CFAP57: variants seen among roughly 807,000 people sequenced by gnomAD.
The protein encoded by CFAP57 is cilia- and flagella-associated protein 57.
In CFAP57, 116 loss-of-function variants were observed where a neutral mutation model predicts 146.8. The ratio of observed to expected loss-of-function variants is 0.79; its 90% CI spans 0.68 to 0.92. The LOEUF is 0.92. Ranked by LOEUF, CFAP57 falls within the 40% of genes least tolerant of loss-of-function variation. CFAP57 has a pLI of 0.00. For synonymous variants in CFAP57, 518 were observed against 552.8 expected, an observed-to-expected ratio of 0.94 and a Z score of 0.88; for missense variants, 1,377 against 1,527.2, an observed-to-expected ratio of 0.90 and a Z score of 1.64.
intron 6 of CFAP57, among the ~76,000 whole-genome samples, chr1:43,189,380 G>C (rs1643357743): frequency 6.6e-6 from 1 of 152,156 alleles, no homozygotes; most frequent in Non-Finnish European, 1.5e-5. Flanking sequence ...TTGAGCATGA[G>C]ATATTTTCCA....
chr1:43,215,031 C>T (rs1249012655), intron 11 of CFAP57, among the ~76,000 whole-genome samples: 2 of 152,184 alleles, frequency 1.3e-5, no homozygotes, highest in Non-Finnish European at 2.9e-5. Flanking sequence ...ATAGCTGACT[C>T]TTCAGATTCC....
At chr1:43,239,767 A>T (rs1046196216) in intron 21 of CFAP57, among the ~76,000 whole-genome samples, 1 of 152,196 alleles carries the variant, frequency 6.6e-6, no homozygotes, top group African/African-American at 2.4e-5. Flanking sequence ...GAAGGGAGAA[A>T]TGGAGAGAGA....
intron 10 of CFAP57, among the ~76,000 whole-genome samples, chr1:43,209,377 G>A (rs913127602): frequency 2.0e-5 from 3 of 152,210 alleles, no homozygotes; most frequent in Non-Finnish European, 2.9e-5. Context: ...CAGATGGTCC[G>A]TCATCCATAG....
intron 14 of CFAP57, 73 bp downstream of exon 14, chr1:43,221,538 C>G (rs1645043156): frequency 9.9e-7 from 1 of 1,008,062 alleles, no homozygotes; most frequent in Non-Finnish European, 1.4e-6. Context: ...TCAAGAGTCC[C>G]CCAGACACAG....
intron 22 of CFAP57, among the ~76,000 whole-genome samples, chr1:43,248,165 TA>T (rs1377398933): frequency 2.7e-5 from 4 of 149,368 alleles, no homozygotes; most frequent in African/African-American, 4.9e-5. Context: ...AAAAAACAGT[TA>T]TTTTGCTCCA....
intron 21 of CFAP57, among the ~76,000 whole-genome samples, chr1:43,241,347 T>C (rs1190187503): frequency 2.0e-5 from 3 of 152,102 alleles, no homozygotes; most frequent in Non-Finnish European, 4.4e-5. Flanking sequence ...ATACTGAAAT[T>C]AAGTAATATA....
intron 17 of CFAP57, 77 bp from the exon 18 acceptor site, chr1:43,226,906 G>A (rs1025406764): frequency 4.7e-5 from 66 of 1,399,600 alleles, no homozygotes; most frequent in African/African-American, 1.9e-4. Context: ...CACAGGCTTC[G>A]TGCTCTTTTG....
chr1:43,230,319 G>A (rs572609831), intron 18 of CFAP57, among the ~76,000 whole-genome samples: 1 of 152,300 alleles, frequency 6.6e-6, no homozygotes, highest in South Asian at 2.1e-4. Flanking sequence ...TGCCTCCTCA[G>A]CCAAACTGGC....
In CFAP57 at chr1:43,245,352, T is replaced by C. The variant is rs1337849606; in HGVS notation, c.3538+1993T>C. 2.6e-5 allele frequency among the ~76,000 whole-genome samples: 4 copies of C among 151,000 alleles called. No homozygotes were observed. In the East Asian group the frequency reaches 7.8e-4, roughly 29 times the overall value. ...AAAAAAAAAAAAAAAGTTTTAAATA[T>C]GTCCAAGTATCCTAACAAATATTCA... On this transcript the variant is annotated intron_variant, in intron 22 of 22. Coordinates refer to ENST00000372492, the MANE Select transcript of CFAP57 (RefSeq NM_001378189.1).
At position 43,182,607 on chromosome 1, in the gene CFAP57, G is replaced by A. The variant is rs141096008; in HGVS notation, c.474+757G>A. On this transcript the variant is annotated intron_variant, in intron 3 of 22. Transcript: ENST00000372492. ...GTATTCCCTTCCTAGTAATAGAGAA[G>A]TTGAGAGGTGAAATTATAATAGTAA... Among the ~76,000 whole-genome samples, 183 of 152,354 alleles carry A rather than the reference G, an allele frequency of 1.2e-3. 2 individuals are homozygous for A. Among genetic ancestry groups the A allele is most frequent in the African/African-American group, 4.3e-3 (177 of 41,592 alleles).
At chr1:43,223,089 C>A in intron 16 of CFAP57, 92 bp downstream of exon 16, 1 of 1,382,272 alleles carries the variant, frequency 7.2e-7, no homozygotes, top group Non-Finnish European at 9.7e-7. Flanking sequence ...GGGTGCTGGC[C>A]AGGGTCCTGC....
Position 43,234,492 on chromosome 1 carries a change from C to T in CFAP57, c.3262-3C>T, listed in dbSNP as rs966935837. 8 of 1,547,636 alleles carry T rather than the reference C, an allele frequency of 5.2e-6. No individual in the cohort carries two copies. In the African/African-American group the frequency reaches 1.1e-4, roughly 21 times the overall value. On this transcript the variant is annotated splice_polypyrimidine_tract_variant and splice_region_variant and intron_variant, in intron 20 of 22. Transcript: ENST00000372492. ...TCACTGAGAATCTCCTGGGCCCCGTCAGGTGGAGATCGCAGGGCTGAACAC... is the reference window on the plus strand; with the variant it reads ...TCACTGAGAATCTCCTGGGCCCCGTTAGGTGGAGATCGCAGGGCTGAACAC...
chr1:43,244,356 A>G (rs1184901783), intron 22 of CFAP57, among the ~76,000 whole-genome samples: 4 of 152,248 alleles, frequency 2.6e-5, no homozygotes, highest in African/African-American at 9.6e-5. Flanking sequence ...TGATGGGGAA[A>G]AGTGGCTGAA....
At chr1:43,210,186 G>A in intron 11 of CFAP57, 3 of 1,538,872 alleles carry the variant, frequency 1.9e-6, no homozygotes, top group Non-Finnish European at 2.6e-6. Flanking sequence ...GGGCCGTTTG[G>A]TGGATGCCGT....
At chr1:43,190,784 A>G (rs2124367558) in intron 6 of CFAP57, among the ~76,000 whole-genome samples, 1 of 152,154 alleles carries the variant, frequency 6.6e-6, no homozygotes, top group Non-Finnish European at 1.5e-5. Flanking sequence ...ATATTATACT[A>G]AGTGATTTTC....
At chr1:43,216,928 G>T (rs1644855096) in intron 12 of CFAP57, among the ~76,000 whole-genome samples, 2 of 152,252 alleles carry the variant, frequency 1.3e-5, no homozygotes, top group African/African-American at 4.8e-5. Context: ...TGGGAAGAGG[G>T]CAGAGTATCA....
chr1:43,252,334 G>A (rs1327335369), intron 22 of CFAP57, among the ~76,000 whole-genome samples: 4 of 152,148 alleles, frequency 2.6e-5, no homozygotes, highest in Admixed American at 6.6e-5. Context: ...CAAGGTCTCT[G>A]CATGACAATT....
chr1:43,187,650 C>T (rs1281385939), intron 6 of CFAP57, among the ~76,000 whole-genome samples: 1 of 151,660 alleles, frequency 6.6e-6, no homozygotes, highest in Non-Finnish European at 1.5e-5. Context: ...ATTCCTCCAT[C>T]CTCCCAATTA....
rs768941804 is a variant in CFAP57 at position 43,186,752 on chromosome 1, C to T, written c.1015C>T (p.Gln339Ter). The change falls in exon 6 of 23, where the codon CAG (glutamine) becomes TAG (stop). Residue 339 changes from glutamine (Q) to a stop codon, truncating the protein, a stop_gained. Coordinates refer to ENST00000372492, the MANE Select transcript of CFAP57 (RefSeq NM_001378189.1). LOFTEE classifies it high-confidence loss of function. ...CAATGATCCAAGTCAGTCTGACAAA[C>T]AGGACGTTCTCTGCCTGTGCTTCAG... is the stretch of plus-strand genomic sequence containing the variant. ...QSNDPSQSDK[Q>*]DVLCLCFSPS... is the part of the protein sequence containing the mutation. 1.5e-5 allele frequency: 24 copies of T among 1,613,862 alleles called. No individual in the cohort carries two copies. Among genetic ancestry groups the T allele is most frequent in the Non-Finnish European group, 1.9e-5 (23 of 1,179,992 alleles).
Sources: gnomAD v4.1 joint callset for allele counts (sites outside exome capture counted in the v4.1 genomes callset) on GRCh38, gnomAD v4.1.1 for gene constraint, MANE v1.5 for transcripts, NCBI Gene and HGNC (gene_info 2026-07-23, HGNC 2026-07-21) for gene names.